ANTXR2: variants seen among roughly 807,000 people sequenced by gnomAD.
ANTXR2 encodes the protein ANTXR cell adhesion molecule 2.
A neutral mutation model predicts 73.7 loss-of-function variants in ANTXR2; 44 were observed. The observed-to-expected ratio is 0.60, with a 90% confidence interval of 0.47 to 0.77. The LOEUF (loss-of-function observed/expected upper bound fraction) is 0.77. ANTXR2 is among the 30% of genes least tolerant of loss of function. The pLI is 0.00. For synonymous variants in ANTXR2, 217 were observed against 205.9 expected, an observed-to-expected ratio of 1.05 and a Z score of -0.46; for missense variants, 604 against 592.5, an observed-to-expected ratio of 1.02 and a Z score of -0.20.
intron 12 of ANTXR2, among the ~76,000 whole-genome samples, chr4:80,006,796 A>C (rs2110053758): frequency 6.6e-6 from 1 of 152,212 alleles, no homozygotes; most frequent in South Asian, 2.1e-4. Flanking sequence ...AAAATCATAC[A>C]CTTTGACACT....
At chr4:79,932,986 C>T (rs1728119667) in intron 16 of ANTXR2, among the ~76,000 whole-genome samples, 1 of 151,964 alleles carries the variant, frequency 6.6e-6, no homozygotes, top group South Asian at 2.1e-4. Flanking sequence ...AAAGATATTC[C>T]TTCCAAATTC....
At chr4:79,926,976 T>TACACATGTGCATATGTGTATATATATAC (rs1553925982) in intron 16 of ANTXR2, among the ~76,000 whole-genome samples, 3 of 90,594 alleles carry the variant, frequency 3.3e-5, no homozygotes, top group Admixed American at 1.1e-4. Flanking sequence ...TGTGTATATA[T>TACACATGTGCATATGTGTATATATATAC]ACGTGTGCAT....
intron 7 of ANTXR2, among the ~76,000 whole-genome samples, chr4:80,038,324 C>G (rs190190078): frequency 6.6e-6 from 1 of 151,994 alleles, no homozygotes; most frequent in African/African-American, 2.4e-5. Context: ...TTAATTTGAT[C>G]CAATCCATCA....
At chr4:79,964,993 C>T (rs1292306274) in intron 16 of ANTXR2, 1 of 152,204 alleles carries the variant, frequency 6.6e-6, no homozygotes, top group Non-Finnish European at 1.5e-5. Context: ...ACTGCTCGCC[C>T]GCTTTGATAC....
At chr4:80,063,694 C>T (rs991212998) in intron 3 of ANTXR2, among the ~76,000 whole-genome samples, 2 of 152,090 alleles carry the variant, frequency 1.3e-5, no homozygotes, top group South Asian at 2.1e-4. Flanking sequence ...CTGCTACTTG[C>T]TTTTAAACTT....
chr4:79,927,294 C>CCACA (rs112013307), intron 16 of ANTXR2, among the ~76,000 whole-genome samples: 234 of 150,312 alleles, frequency 1.6e-3, no homozygotes, highest in Non-Finnish European at 2.1e-3. Flanking sequence ...GGAGCTCTTA[C>CCACA]CACACACACA....
chr4:79,915,856 CTCTCTCTA>C (rs1221117775), intron 16 of ANTXR2, among the ~76,000 whole-genome samples: 1,732 of 112,246 alleles, frequency 0.015, 20 homozygotes, highest in East Asian at 0.066. Flanking sequence ...CTCTCTCTCT[CTCTCTCTA>C]TATATATATA....
chr4:79,957,321 A>G (rs1728926950), intron 16 of ANTXR2, among the ~76,000 whole-genome samples: 1 of 152,110 alleles, frequency 6.6e-6, no homozygotes, highest in Non-Finnish European at 1.5e-5. Flanking sequence ...ATTAATTAAT[A>G]GGTACAAAAA....
At chr4:79,999,845 C>A (rs1730934568) in intron 12 of ANTXR2, among the ~76,000 whole-genome samples, 1 of 151,832 alleles carries the variant, frequency 6.6e-6, no homozygotes, top group African/African-American at 2.4e-5. Flanking sequence ...ATCCCTTAAG[C>A]CGAGGAGTTC....
chr4:80,014,958 C>T (rs1454532716), intron 11 of ANTXR2, among the ~76,000 whole-genome samples: 1 of 152,154 alleles, frequency 6.6e-6, no homozygotes, highest in Non-Finnish European at 1.5e-5. Context: ...TTCACTCTTC[C>T]CTCTTGCAAC....
chr4:79,995,510 A>AGT (rs1730682957), intron 12 of ANTXR2, among the ~76,000 whole-genome samples: 1 of 152,020 alleles, frequency 6.6e-6, no homozygotes, highest in Non-Finnish European at 1.5e-5. Context: ...AGGAGATAGA[A>AGT]GTATACTAAG....
chr4:80,003,086 A>ACT (rs1166122749), intron 12 of ANTXR2, among the ~76,000 whole-genome samples: 14 of 151,948 alleles, frequency 9.2e-5, no homozygotes, highest in Non-Finnish European at 1.9e-4. Flanking sequence ...ACTATAAATC[A>ACT]GGCTGCTATA....
chr4:80,018,067 C>T (rs6820219), intron 11 of ANTXR2, among the ~76,000 whole-genome samples: 25,259 of 151,904 alleles, frequency 0.17, 3,274 homozygotes, highest in African/African-American at 0.37. Context: ...GGGTATCTCT[C>T]GAATTAGTAG....
At chr4:79,979,925 A>G (rs1729812273) in intron 14 of ANTXR2, among the ~76,000 whole-genome samples, 1 of 152,194 alleles carries the variant, frequency 6.6e-6, no homozygotes, top group African/African-American at 2.4e-5. Flanking sequence ...TAGAAAGAGA[A>G]GTAGATACAA....
intron 14 of ANTXR2, among the ~76,000 whole-genome samples, chr4:79,981,856 G>A (rs539085712): frequency 1.3e-5 from 2 of 152,196 alleles, no homozygotes; most frequent in Non-Finnish European, 2.9e-5. Context: ...AGTTGGCTGC[G>A]GTTTTTCGTC....
chr4:80,048,873 G>C (rs887580775), intron 7 of ANTXR2, among the ~76,000 whole-genome samples: 1 of 151,582 alleles, frequency 6.6e-6, no homozygotes, highest in Non-Finnish European at 1.5e-5. Context: ...TATGAATGTA[G>C]GTACTTTTTG....
In ANTXR2 at chr4:79,936,271, C is replaced by T. The variant is rs148895728; in HGVS notation, c.1429-28804G>A. Among the ~76,000 whole-genome samples the T allele has an allele frequency of 1.2e-3, 184 of 151,732 alleles. 1 individual carries two copies. Among genetic ancestry groups the T allele is most frequent in the Middle Eastern group, 3.4e-3 (1 of 294 alleles). On this transcript the variant is annotated intron_variant, in intron 16 of 16. Coordinates refer to ENST00000403729, the MANE Select transcript of ANTXR2 (RefSeq NM_058172.6). ...TATTTGCAGAATATTTAATTGATCT[C>T]TATTCAGATAAATTTTTAAATGACA...
intron 1 of ANTXR2, 28 bp from the exon 2 acceptor site, chr4:80,071,682 G>C: frequency 6.4e-7 from 1 of 1,551,556 alleles, no homozygotes; most frequent in Non-Finnish European, 8.9e-7. Context: ...ACTGATCAGA[G>C]AAACAAAACA....
At chr4:79,923,948 G>T (rs1385492974) in intron 16 of ANTXR2, among the ~76,000 whole-genome samples, 1 of 152,106 alleles carries the variant, frequency 6.6e-6, no homozygotes, top group Non-Finnish European at 1.5e-5. Context: ...ATTTGGAAAA[G>T]AAAATAAAGC....
Sources: gnomAD v4.1 joint callset for allele counts (sites outside exome capture counted in the v4.1 genomes callset) on GRCh38, gnomAD v4.1.1 for gene constraint, MANE v1.5 for transcripts, NCBI Gene and HGNC (gene_info 2026-07-23, HGNC 2026-07-21) for gene names.